TENM2: variants seen among roughly 807,000 people sequenced by gnomAD.
The protein encoded by TENM2 is teneurin-2.
Under a neutral mutation model 245.2 loss-of-function variants are expected in TENM2, and 52 were observed. The ratio of observed to expected loss-of-function variants is 0.21; its 90% CI spans 0.17 to 0.27. TENM2 has a LOEUF of 0.27. Ranked by LOEUF, TENM2 falls within the 10% of genes least tolerant of loss-of-function variation. The pLI, the probability that TENM2 is intolerant of heterozygous loss-of-function variation, is 1.00. For synonymous variants in TENM2, 1,363 were observed against 1,438.9 expected, an observed-to-expected ratio of 0.95 and a Z score of 1.19; for missense variants, 3,046 against 3,666.8, an observed-to-expected ratio of 0.83 and a Z score of 4.37.
At chr5:167,845,274 CA>C in intron 2 of TENM2, among the ~76,000 whole-genome samples, 1 of 135,580 alleles carries the variant, frequency 7.4e-6, no homozygotes. Context: ...CACACACACA[CA>C]CACACAACAC....
chr5:167,429,139 A>G (rs1044671030), intron 2 of TENM2, among the ~76,000 whole-genome samples: 13 of 152,284 alleles, frequency 8.5e-5, no homozygotes, highest in Admixed American at 7.2e-4. Context: ...CTGCTTTGCA[A>G]TGAGCCATTT....
At chr5:167,075,854 G>A in the TENM2 span, among the ~76,000 whole-genome samples, 1 of 152,192 alleles carries the variant, frequency 6.6e-6, no homozygotes, top group East Asian at 1.9e-4. Context: ...CTTGCAAAAG[G>A]GCCCTACAAG....
chr5:167,656,844 G>A (rs1262594653), intron 2 of TENM2, among the ~76,000 whole-genome samples: 1 of 151,296 alleles, frequency 6.6e-6, no homozygotes, highest in Non-Finnish European at 1.5e-5. Flanking sequence ...AACACATAAT[G>A]TTATACATAT....
intron 2 of TENM2, among the ~76,000 whole-genome samples, chr5:167,808,797 A>G (rs1423289668): frequency 6.6e-6 from 1 of 152,146 alleles, no homozygotes; most frequent in Non-Finnish European, 1.5e-5. Context: ...CATTAAATAC[A>G]TTTGTTCCCT....
chr5:167,251,347 G>A, the TENM2 span, among the ~76,000 whole-genome samples: 1 of 152,044 alleles, frequency 6.6e-6, no homozygotes, highest in Admixed American at 6.6e-5. Context: ...CCCTTCCATA[G>A]GAGAATGTAT....
chr5:167,350,417 G>A (rs968412551), intron 1 of TENM2, among the ~76,000 whole-genome samples: 23 of 92,266 alleles, frequency 2.5e-4, no homozygotes, highest in African/African-American at 6.8e-4. Flanking sequence ...ATATATATGT[G>A]TGTGTGTGTG....
chr5:167,035,696 G>A, the TENM2 span, among the ~76,000 whole-genome samples: 1 of 152,158 alleles, frequency 6.6e-6, no homozygotes, highest in Non-Finnish European at 1.5e-5. Context: ...GGGAAAAGGG[G>A]AGACAGAGAT....
rs541306645 is a variant in TENM2, at chr5:167,581,740, G to T, written c.502+206267G>T. ...AGTACATTCCCGATAAAATATTGTG[G>T]TTTTTCCAGCTGACATTATTAATTT... On this transcript the variant is annotated intron_variant, in intron 2 of 28. Transcript: ENST00000518659. Among the ~76,000 whole-genome samples the T allele has an allele frequency of 1.8e-3, 280 of 152,206 alleles. 1 individual carries two copies. The highest frequency in any genetic ancestry group is 6.5e-3 in the African/African-American group (269 of 41,526).
chr5:167,572,235 T>A (rs1774314908), intron 2 of TENM2, among the ~76,000 whole-genome samples: 1 of 152,216 alleles, frequency 6.6e-6, no homozygotes, highest in African/African-American at 2.4e-5. Context: ...GGCACAGCAA[T>A]GTGGCCAGTG....
At chr5:167,985,271 A>G (rs1783157673) in intron 4 of TENM2, among the ~76,000 whole-genome samples, 1 of 152,076 alleles carries the variant, frequency 6.6e-6, no homozygotes, top group African/African-American at 2.4e-5. Context: ...CACTGCTTGT[A>G]TGATAGTCTG....
At chr5:167,456,729 A>C (rs1014414691) in intron 2 of TENM2, among the ~76,000 whole-genome samples, 3 of 152,206 alleles carry the variant, frequency 2.0e-5, no homozygotes, top group Non-Finnish European at 2.9e-5. Context: ...TTAATATAAA[A>C]AGCATCAAAT....
intron 3 of TENM2, among the ~76,000 whole-genome samples, chr5:167,929,105 GAA>G (rs1351436248): frequency 2.0e-5 from 2 of 98,294 alleles, no homozygotes; most frequent in African/African-American, 8.3e-5. Flanking sequence ...AAGAAAGAAA[GAA>G]AGAAAGAAAG....
chr5:167,523,567 T>A (rs1396481071), intron 2 of TENM2, among the ~76,000 whole-genome samples: 1 of 152,098 alleles, frequency 6.6e-6, no homozygotes, highest in African/African-American at 2.4e-5. Context: ...TGATATTTGG[T>A]GTTCGCTCAT....
At chr5:168,115,242 A>G (rs1038356202) in intron 9 of TENM2, among the ~76,000 whole-genome samples, 2 of 151,594 alleles carry the variant, frequency 1.3e-5, no homozygotes, top group Non-Finnish European at 2.9e-5. Context: ...GCAGTGAGCC[A>G]AGATCATGCC....
exon 5 of TENM2, chr5:167,993,050 C>T (rs778919098): frequency 6.2e-7 from 1 of 1,614,018 alleles, no homozygotes; most frequent in East Asian, 2.2e-5. Flanking sequence ...GCCCCGCCTG[C>T]TGCCCAGGAA....
At chr5:167,986,769 C>G (rs1362609659) in intron 4 of TENM2, among the ~76,000 whole-genome samples, 1 of 152,184 alleles carries the variant, frequency 6.6e-6, no homozygotes, top group African/African-American at 2.4e-5. Context: ...AATGATTCAT[C>G]TGAACACACT....
the TENM2 span, among the ~76,000 whole-genome samples, chr5:167,217,220 T>A: frequency 6.6e-6 from 1 of 152,128 alleles, no homozygotes; most frequent in Non-Finnish European, 1.5e-5. Context: ...TCTGATTGTG[T>A]GTGCAGAAAA....
chr5:168,021,346 G>A (rs1037651576), intron 5 of TENM2, among the ~76,000 whole-genome samples: 9 of 152,142 alleles, frequency 5.9e-5, no homozygotes, highest in African/African-American at 1.7e-4. Context: ...TTGCTTAAAG[G>A]AGCAAATGAT....
intron 1 of TENM2, among the ~76,000 whole-genome samples, chr5:167,348,761 G>A (rs1758632891): frequency 6.6e-6 from 1 of 152,104 alleles, no homozygotes; most frequent in African/African-American, 2.4e-5. Flanking sequence ...GAGTATTTCA[G>A]CCACTAAAAT....
Sources: gnomAD v4.1 joint callset for allele counts (sites outside exome capture counted in the v4.1 genomes callset) on GRCh38, gnomAD v4.1.1 for gene constraint, MANE v1.5 for transcripts, NCBI Gene and HGNC (gene_info 2026-07-23, HGNC 2026-07-21) for gene names.